The following TSBP1 variants were observed in gnomAD, a reference collection of about 807,000 sequenced individuals.
The protein encoded by TSBP1 is testis-expressed basic protein 1.
TSBP1 carries 56 observed loss-of-function variants against 68.8 expected under a neutral mutation model. That is an observed-to-expected ratio of 0.81 (90% confidence interval 0.66 to 1.02). TSBP1 has a LOEUF of 1.02. Ranked by LOEUF, TSBP1 falls within the 50% of genes least tolerant of loss-of-function variation. The pLI is 0.00. For synonymous variants in TSBP1, 171 were observed against 208.7 expected (o/e 0.82, Z 1.56); for missense variants, 502 against 641.2 (o/e 0.78, Z 2.34).
chr6:32,293,785 A>C (rs749934218), exon 23 of TSBP1: 4 of 1,612,940 alleles, frequency 2.5e-6, no homozygotes, highest in Non-Finnish European at 3.4e-6. Context: ...TTCCAGCGTC[A>C]CTGTCTACCT....
chr6:32,302,840 GTCTC>G lies in TSBP1; in HGVS notation c.581-215_581-212del, dbSNP rs1765441300. Among the ~76,000 whole-genome samples the G allele has an allele frequency of 6.6e-6, 1 of 152,126 alleles. No individual in the cohort carries two copies. Among genetic ancestry groups the G allele is most frequent in the African/African-American group, 2.4e-5 (1 of 41,426 alleles). ...CCTTTATGTGGTCCAACTTATTGTT[GTCTC>G]TCTAATTGAGCTCTCTGCTTTCACC... is the stretch of plus-strand genomic sequence containing the variant. On this transcript the variant is annotated intron_variant, in intron 19 of 22. Transcript: ENST00000612031. This position sits in a 1 kb window ranked among gnomAD's most constrained non-coding sequence, Gnocchi z 5.1.
In TSBP1 at chr6:32,346,015, T is replaced by TATCATCATAATGC. The variant is rs1196227316; in HGVS notation, c.349+3724_349+3725insGCATTATGATGAT. 1.5e-3 allele frequency among the ~76,000 whole-genome samples: 15 copies of TATCATCATAATGC among 9,820 alleles called. 2 individuals are homozygous for TATCATCATAATGC. Among genetic ancestry groups the TATCATCATAATGC allele is most frequent in the Middle Eastern group, 0.11 (2 of 18 alleles). The allele number at this position is 9,820 out of a possible 152,430, so 6.4% of individuals were successfully genotyped here. A position where few individuals can be genotyped will look rare whatever the true frequency, so the allele number is the denominator to read the frequency against. ...GTGTCATATCCTCATTTTTTTTTTT[T>TATCATCATAATGC]TTTTTTTTTTGAGACGGAGTCTCGC... On this transcript the variant is annotated intron_variant, in intron 9 of 22. Transcript: ENST00000612031.
At position 32,367,973 on chromosome 6, in the gene TSBP1, G is replaced by A; in HGVS notation, c.134-16C>T. 1.9e-6 allele frequency: 3 copies of A among 1,596,960 alleles called. No individual in the cohort carries two copies. The highest frequency in any genetic ancestry group is 1.1e-5 in the South Asian group (1 of 89,892). On this transcript the variant is annotated splice_polypyrimidine_tract_variant and intron_variant, in intron 3 of 22. Transcript: ENST00000612031. ...AGTCTAGCACCTAGAAAAAAAGGGAGAGCACATGATTTTGCTTCTTGATTA... is the reference window on the plus strand; with the variant it reads ...AGTCTAGCACCTAGAAAAAAAGGGAAAGCACATGATTTTGCTTCTTGATTA...
At chr6:32,345,161 CTT>C (rs111305323) in intron 9 of TSBP1, among the ~76,000 whole-genome samples, 6 of 141,182 alleles carry the variant, frequency 4.2e-5, no homozygotes, top group Non-Finnish European at 4.6e-5. Context: ...GGCCCTTAGT[CTT>C]TTTTTTTTTT....
rs117721766 is a variant in TSBP1 at position 32,317,401 on chromosome 6, A to C, written c.560-1609T>G. Among the ~76,000 whole-genome samples the C allele has an allele frequency of 3.2e-3, 494 of 152,344 alleles. 15 individuals are homozygous for C. The East Asian group carries it at 0.068, about 21-fold the overall frequency. On this transcript the variant is annotated intron_variant, in intron 18 of 22. Coordinates refer to ENST00000612031, the Ensembl canonical transcript of TSBP1. ...ACCATTCTGGACATAGGAATGGGCA[A>C]AAATTTCATGATGAAGACAACAAAA...
Position 32,325,172 on chromosome 6 carries a change from G to C in TSBP1, c.515-1558C>G. Reference sequence around the variant, plus strand: ...ATTTATTTATGCCTTTCTGCCCATGGATGCCATGGAAGAAGCATCATTAAA... The same window carrying C: ...ATTTATTTATGCCTTTCTGCCCATGCATGCCATGGAAGAAGCATCATTAAA... On this transcript the variant is annotated intron_variant, in intron 16 of 22. Coordinates refer to ENST00000612031, the Ensembl canonical transcript of TSBP1. This position sits in a 1 kb window ranked among gnomAD's most constrained non-coding sequence, Gnocchi z 4.4. 1 of 537,974 alleles carries C rather than the reference G, an allele frequency of 1.9e-6. No individual in the cohort carries two copies. The highest frequency in any genetic ancestry group is 3.3e-6 in the Non-Finnish European group (1 of 305,558). 33.3% of individuals were successfully genotyped at this position (537,974 alleles called of 1,614,324 possible).
chr6:32,307,539 A>C (rs182306953), intron 19 of TSBP1, among the ~76,000 whole-genome samples: 2 of 152,264 alleles, frequency 1.3e-5, no homozygotes, highest in African/African-American at 4.8e-5. Flanking sequence ...AGTGTACATT[A>C]CTAGATAAAG....
At chr6:32,310,432 A>T (rs1766265468) in intron 19 of TSBP1, among the ~76,000 whole-genome samples, 1 of 151,828 alleles carries the variant, frequency 6.6e-6, no homozygotes, top group African/African-American at 2.4e-5. Flanking sequence ...ATTCCATTAC[A>T]CCTGACCTCA....
chr6:32,328,999 A>G (rs891353053), intron 16 of TSBP1, among the ~76,000 whole-genome samples: 6 of 152,204 alleles, frequency 3.9e-5, no homozygotes, highest in Admixed American at 6.5e-5. Flanking sequence ...AATAGTGAAT[A>G]TTCCACCCAA....
rs116528376 is a variant in TSBP1, at chr6:32,316,996, G to A, written c.560-1204C>T. ...TGAGACTGGCCACTAGGAGAGGAGA[G>A]GGTTTTAAGAGGGGTTGGCCTGAGT... On this transcript the variant is annotated intron_variant, in intron 18 of 22. Coordinates refer to ENST00000612031, the Ensembl canonical transcript of TSBP1. This position sits in a 1 kb window ranked among gnomAD's most constrained non-coding sequence, Gnocchi z 4.5. 0.039 allele frequency among the ~76,000 whole-genome samples: 5,952 copies of A among 152,210 alleles called. 332 individuals are homozygous for A. Among genetic ancestry groups the A allele is most frequent in the African/African-American group, 0.12 (5,099 of 41,488 alleles).
In TSBP1 at chr6:32,292,861, T is replaced by C; in HGVS notation, c.*120A>G. ...CTTCTGAAGAGCAGAAACTGTGATA[T>C]GAAGATGAAAGGGATTTTATAATTG... On this transcript the variant is annotated 3_prime_UTR_variant, in exon 23 of 23. Transcript: ENST00000612031. This position sits in a 1 kb window ranked among gnomAD's most constrained non-coding sequence, Gnocchi z 4.1. The C allele has an allele frequency of 1.5e-6, 1 of 666,672 alleles. No individual in the cohort carries two copies. Among genetic ancestry groups the C allele is most frequent in the East Asian group, 2.6e-5 (1 of 38,290 alleles). 41.3% of individuals were successfully genotyped at this position (666,672 alleles called of 1,614,324 possible).
At chr6:32,312,225 C>T (rs1766479083) in intron 19 of TSBP1, among the ~76,000 whole-genome samples, 1 of 152,154 alleles carries the variant, frequency 6.6e-6, no homozygotes, top group Admixed American at 6.5e-5. Flanking sequence ...CAGTCAGTCT[C>T]AGGTTCTCAG....
chr6:32,346,891 G>T (rs1291152403), intron 9 of TSBP1, among the ~76,000 whole-genome samples: 1 of 152,096 alleles, frequency 6.6e-6, no homozygotes, highest in African/African-American at 2.4e-5. Context: ...CAAAATTGCA[G>T]TTAGATGGGA....
chr6:32,366,367 T>A, intron 4 of TSBP1, 65 bp from the exon 5 acceptor site: 1 of 1,441,664 alleles, frequency 6.9e-7, no homozygotes, highest in Non-Finnish European at 9.7e-7. Flanking sequence ...TTATTTTTTG[T>A]TAGATAGAAA....
chr6:32,360,467 T>A (rs1470939644), intron 6 of TSBP1, among the ~76,000 whole-genome samples: 1 of 152,112 alleles, frequency 6.6e-6, no homozygotes, highest in Non-Finnish European at 1.5e-5. Context: ...CCTAGTTTAT[T>A]CCTCTATCCC....
At chr6:32,307,844 C>T (rs9268178) in intron 19 of TSBP1, among the ~76,000 whole-genome samples, 9,475 of 150,832 alleles carry the variant, frequency 0.063, 456 homozygotes, top group Non-Finnish European at 0.11. Context: ...GGTGCAATCT[C>T]GGCTCACCGC....
rs892306493 is a variant in TSBP1, at chr6:32,365,851, T to C, written c.217+316A>G. ...GGACTCCCACAATGGTATTGTCTCATCTGTGGATAGTTGTCTAAATTGATG... is the reference window on the plus strand; with the variant it reads ...GGACTCCCACAATGGTATTGTCTCACCTGTGGATAGTTGTCTAAATTGATG... On this transcript the variant is annotated intron_variant, in intron 6 of 22. Transcript: ENST00000612031. This position sits in a 1 kb window ranked among gnomAD's most constrained non-coding sequence, Gnocchi z 4.3. The C allele has an allele frequency of 8.3e-6, 4 of 481,380 alleles. No individual in the cohort carries two copies. Among genetic ancestry groups the C allele is most frequent in the Non-Finnish European group, 1.6e-5 (4 of 247,408 alleles). 29.8% of individuals were successfully genotyped at this position (481,380 alleles called of 1,614,324 possible).
chr6:32,321,774 T>G lies in TSBP1; in HGVS notation c.559+1343A>C, dbSNP rs1311159581. Among the ~76,000 whole-genome samples, 2 of 152,224 alleles carry G rather than the reference T, an allele frequency of 1.3e-5. No homozygotes were observed. The highest frequency in any genetic ancestry group is 2.9e-5 in the Non-Finnish European group (2 of 68,028). On this transcript the variant is annotated intron_variant, in intron 18 of 22. Coordinates refer to ENST00000612031, the Ensembl canonical transcript of TSBP1. The surrounding 1 kb of genome is among the most constrained non-coding windows in gnomAD (Gnocchi z 4.3). ...AAACTGTATCCAGAGTGTGTTTAGA[T>G]GGAACTAGAGGGGAGTATGTAAGTA...
chr6:32,295,289 T>C (rs1350348425), intron 22 of TSBP1, among the ~76,000 whole-genome samples: 6 of 145,580 alleles, frequency 4.1e-5, no homozygotes, highest in African/African-American at 7.5e-5. Flanking sequence ...TGGGCTGGGA[T>C]TGCACCACTG....
Sources: allele counts gnomAD v4.1 joint callset (sites outside exome capture counted in the v4.1 genomes callset), GRCh38; gene constraint gnomAD v4.1.1; non-coding constraint Gnocchi (gnomAD v3.1); transcripts MANE v1.5; gene names NCBI Gene and HGNC (gene_info 2026-07-23, HGNC 2026-07-21).